BRPF3: variants seen among roughly 807,000 people sequenced by gnomAD.
BRPF3 encodes the protein bromodomain and PHD finger-containing protein 3.
BRPF3 carries 18 observed loss-of-function variants against 102.0 expected under a neutral mutation model. The ratio of observed to expected loss-of-function variants is 0.18; its 90% CI spans 0.12 to 0.26. The LOEUF (loss-of-function observed/expected upper bound fraction) is 0.26. Ranked by LOEUF, BRPF3 falls within the 10% of genes least tolerant of loss-of-function variation. The pLI is 1.00. For synonymous variants in BRPF3, 570 were observed against 614.2 expected (o/e 0.93, Z 1.06); for missense variants, 1,147 against 1,567.8 (o/e 0.73, Z 4.53).
At position 36,230,281 on chromosome 6, in the gene BRPF3, C is replaced by T; in HGVS notation, c.3435-145C>T. 1 of 681,756 alleles carries T rather than the reference C, an allele frequency of 1.5e-6. No homozygotes were observed. Among genetic ancestry groups the T allele is most frequent in the Non-Finnish European group, 2.5e-6 (1 of 396,012 alleles). 42.2% of individuals were successfully genotyped at this position (681,756 alleles called of 1,614,324 possible). On this transcript the variant is annotated intron_variant, in intron 12 of 12. Transcript: ENST00000357641. This position sits in a 1 kb window ranked among gnomAD's most constrained non-coding sequence, Gnocchi z 5.4. ...CCTCACCTGCTAGGTTCTTGGTGGC[C>T]TCCTGCATGGAGTCCCCCAATTTGC...
At position 36,232,479 on chromosome 6, in the gene BRPF3, T is replaced by C. The variant is rs1207385792; in HGVS notation, c.*1870T>C. 6.5e-6 allele frequency: 1 copy of C among 152,692 alleles called. No individual in the cohort carries two copies. Among genetic ancestry groups the C allele is most frequent in the Non-Finnish European group, 1.5e-5 (1 of 68,038 alleles). 9.5% of individuals were successfully genotyped at this position (152,692 alleles called of 1,614,324 possible). A position where few individuals can be genotyped will look rare whatever the true frequency, so the allele number is the denominator to read the frequency against. On this transcript the variant is annotated 3_prime_UTR_variant, in exon 13 of 13. Coordinates refer to ENST00000357641, the MANE Select transcript of BRPF3 (RefSeq NM_015695.3). ...GTCTCTCTCTTTATTTTTCAATCTC[T>C]GAATATTTTAGTCTCTCTCTGAGTC...
In BRPF3 at chr6:36,230,052, A is replaced by G. The variant is rs766292238; in HGVS notation, c.3435-374A>G. On this transcript the variant is annotated intron_variant, in intron 12 of 12. Transcript: ENST00000357641. The surrounding 1 kb of genome is among the most constrained non-coding windows in gnomAD (Gnocchi z 5.4). ...CTGGCATCAGCTCTACTTCCTAGCCATCGCCCCCTAATTCTCCAACGCAAG... is the reference window on the plus strand; with the variant it reads ...CTGGCATCAGCTCTACTTCCTAGCCGTCGCCCCCTAATTCTCCAACGCAAG... Among the ~76,000 whole-genome samples the G allele has an allele frequency of 6.6e-6, 1 of 152,198 alleles. No individual in the cohort carries two copies. The highest frequency in any genetic ancestry group is 2.4e-5 in the African/African-American group (1 of 41,460).
intron 4 of BRPF3, 75 bp from the exon 5 acceptor site, chr6:36,209,712 A>G: frequency 1.3e-6 from 2 of 1,543,998 alleles, no homozygotes; most frequent in Admixed American, 4.0e-5. Context: ...GGTAAAAGTC[A>G]AACTATCAAG....
At position 36,230,136 on chromosome 6, in the gene BRPF3, TTTC is replaced by T. The variant is rs1415317207; in HGVS notation, c.3435-287_3435-285del. On this transcript the variant is annotated intron_variant, in intron 12 of 12. Coordinates refer to ENST00000357641, the MANE Select transcript of BRPF3 (RefSeq NM_015695.3). The surrounding 1 kb of genome is among the most constrained non-coding windows in gnomAD (Gnocchi z 5.4). The stretch of plus-strand genomic sequence containing the variant: ...GGCCCCAGAGGGCAGCAGGTGGGCC[TTTC>T]TTAGCCTATGGACCCTTACAACTCT... 6.6e-6 allele frequency among the ~76,000 whole-genome samples: 1 copy of T among 152,154 alleles called. No homozygotes were observed. Among genetic ancestry groups the T allele is most frequent in the Non-Finnish European group, 1.5e-5 (1 of 68,012 alleles).
At chr6:36,221,157 C>T (rs1324993470) in intron 9 of BRPF3, among the ~76,000 whole-genome samples, 1 of 151,974 alleles carries the variant, frequency 6.6e-6, no homozygotes, top group African/African-American at 2.4e-5. Context: ...TGATGATGCC[C>T]GGGTGGGCTT....
chr6:36,224,153 G>A (rs1349807011), intron 10 of BRPF3, among the ~76,000 whole-genome samples: 1 of 152,162 alleles, frequency 6.6e-6, no homozygotes, highest in African/African-American at 2.4e-5. Context: ...CTTGAAGCCA[G>A]GAGTTTGAGA....
At chr6:36,207,254 C>A in intron 3 of BRPF3, 59 bp from the exon 4 acceptor site, 1 of 1,587,450 alleles carries the variant, frequency 6.3e-7, no homozygotes, top group Non-Finnish European at 8.6e-7. Context: ...GAGGCTTGAA[C>A]AGGGAGAGGA....
At chr6:36,207,121 G>A (rs1370669105) in intron 3 of BRPF3, among the ~76,000 whole-genome samples, 192 bp from the exon 4 acceptor site, 1 of 152,142 alleles carries the variant, frequency 6.6e-6, no homozygotes, top group East Asian at 1.9e-4. Context: ...GCTTTATAAT[G>A]AAGAAACAGT....
chr6:36,217,985 G>A lies in BRPF3; in HGVS notation c.3058G>A (p.Gly1020Ser). 6.2e-7 allele frequency: 1 copy of A among 1,613,142 alleles called. No homozygotes were observed. The highest frequency in any genetic ancestry group is 8.5e-7 in the Non-Finnish European group (1 of 1,179,542). Residue 1020 changes from glycine (G) to serine (S), a missense_variant, in exon 9 of 13, where the codon GGT (glycine) becomes AGT (serine). Physicochemically the swap from Gly to Ser is moderately conservative, Grantham distance 56. Transcript: ENST00000357641. ...CTCTGAATGTAGTTTGGGTCTCAGT[G>A]GTGGACTGGCATTTGAAGCTTGCAG... is the stretch of plus-strand genomic sequence containing the variant. ...SDSECSLGLS[G>S]GLAFEACSGL...
Position 36,200,603 on chromosome 6 carries a change from C to T in BRPF3, c.281C>T (p.Ser94Leu), listed in dbSNP as rs373077870. The T allele has an allele frequency of 1.2e-6, 2 of 1,614,112 alleles. No homozygotes were observed. Among genetic ancestry groups the T allele is most frequent in the Non-Finnish European group, 1.7e-6 (2 of 1,180,046 alleles). The part of the protein sequence containing the change: ...PQFPGKSKKP[S>L]SKGKKKESCS... ...TTCCCTGGCAAGTCCAAGAAACCCT[C>T]ATCCAAGGGCAAAAAGAAGGAATCC... Residue 94 changes from serine (S) to leucine (L), a missense_variant, in exon 2 of 13, where the codon TCA becomes TTA. Ser to Leu is a moderately radical substitution (Grantham distance 145). Around this residue, in one of 11 missense-constraint regions of BRPF3, gnomAD observed 221 missense variants for 337.1 expected, o/e 0.66. Coordinates refer to ENST00000357641, the MANE Select transcript of BRPF3 (RefSeq NM_015695.3). This position sits in a 1 kb window ranked among gnomAD's most constrained non-coding sequence, Gnocchi z 5.3.
In BRPF3 at chr6:36,201,388, G is replaced by T; in HGVS notation, c.1066G>T (p.Ala356Ser). The change falls in exon 2 of 13, where the codon GCT becomes TCT. Residue 356 changes from alanine (A) to serine (S), a missense_variant. By Grantham distance (99) the Ala-to-Ser change is moderately conservative. Around this residue, in one of 11 missense-constraint regions of BRPF3, gnomAD observed 44 missense variants for 101.4 expected, o/e 0.43. Transcript: ENST00000357641. The surrounding 1 kb of genome is among the most constrained non-coding windows in gnomAD (Gnocchi z 5.1). ...ATTCCATGTGACATGTGCACAGCGG[G>T]CTGGGCTCTTCATGAAGATTGAGCC... ...TAFHVTCAQRAGLFMKIEPMR... is the reference protein window; with the variant it reads ...TAFHVTCAQRSGLFMKIEPMR... The T allele has an allele frequency of 6.2e-7, 1 of 1,614,144 alleles. No homozygotes were observed. Among genetic ancestry groups the T allele is most frequent in the Non-Finnish European group, 8.5e-7 (1 of 1,180,018 alleles).
In BRPF3 at chr6:36,207,306, C is replaced by T. The variant is rs760689413; in HGVS notation, c.1606-7C>T. The T allele has an allele frequency of 6.2e-7, 1 of 1,613,158 alleles. No individual in the cohort carries two copies. Among genetic ancestry groups the T allele is most frequent in the Non-Finnish European group, 8.5e-7 (1 of 1,179,588 alleles). The stretch of plus-strand genomic sequence containing the variant: ...GTTCCTAGTCCCTCTTCTCTTCCCT[C>T]CTGTAGCGAGAGCAGGATGAGAAGA... On this transcript the variant is annotated splice_region_variant and splice_polypyrimidine_tract_variant and intron_variant, in intron 3 of 12. Transcript: ENST00000357641.
chr6:36,229,596 G>C (rs7754042), intron 12 of BRPF3, among the ~76,000 whole-genome samples: 14 of 152,232 alleles, frequency 9.2e-5, no homozygotes, highest in African/African-American at 3.4e-4. Context: ...TCCTGAGGGG[G>C]GTTCTGGCCA....
At chr6:36,221,537 A>T (rs1296979118) in intron 9 of BRPF3, among the ~76,000 whole-genome samples, 1 of 152,138 alleles carries the variant, frequency 6.6e-6, no homozygotes, top group African/African-American at 2.4e-5. Flanking sequence ...TGCCCAGCTC[A>T]GCCTCCCAAA....
rs1261406499 is a variant in BRPF3 at position 36,200,721 on chromosome 6, G to A, written c.399G>A (p.Leu133=). 6 of 1,614,040 alleles carry A rather than the reference G, an allele frequency of 3.7e-6. No homozygotes were observed. Among genetic ancestry groups the A allele is most frequent in the African/African-American group, 1.3e-5 (1 of 74,926 alleles). The change falls in exon 2 of 13, where the codon CTG becomes CTA. Residue 133 remains leucine (L), a synonymous_variant. Coordinates refer to ENST00000357641, the MANE Select transcript of BRPF3 (RefSeq NM_015695.3). The surrounding 1 kb of genome is among the most constrained non-coding windows in gnomAD (Gnocchi z 5.3). ...DSGIQPEAPP[L]PAAYYRYIEK... ...GCATCCAGCCAGAAGCACCCCCGCT[G>A]CCTGCTGCCTACTACCGCTACATTG... is the stretch of plus-strand genomic sequence containing the variant.
Position 36,201,116 on chromosome 6 carries a change from G to T in BRPF3, c.794G>T (p.Arg265Leu), listed in dbSNP as rs768026645. The change falls in exon 2 of 13, where the codon CGG becomes CTG. Residue 265 changes from arginine to leucine, a missense_variant. By Grantham distance (102) the Arg-to-Leu change is moderately radical. Around this residue, in one of 11 missense-constraint regions of BRPF3, gnomAD observed 221 missense variants for 337.1 expected, o/e 0.66. Transcript: ENST00000357641. The surrounding 1 kb of genome is among the most constrained non-coding windows in gnomAD (Gnocchi z 5.1). ...LCRCCLQSPS[R>L]PVDCILCPNK... is the part of the protein sequence containing the mutation. ...CGCTGCTGCCTGCAGTCTCCCTCCCGGCCTGTGGATTGCATCCTTTGCCCC... is the reference window on the plus strand; with the variant it reads ...CGCTGCTGCCTGCAGTCTCCCTCCCTGCCTGTGGATTGCATCCTTTGCCCC... The T allele has an allele frequency of 6.2e-7, 1 of 1,613,958 alleles. No individual in the cohort carries two copies. The highest frequency in any genetic ancestry group is 1.3e-5 in the African/African-American group (1 of 74,878).
In BRPF3 at chr6:36,210,429, C is replaced by T. The variant is rs1029434644; in HGVS notation, c.2080C>T (p.Arg694Trp). 9 of 1,613,028 alleles carry T rather than the reference C, an allele frequency of 5.6e-6. No homozygotes were observed. Among genetic ancestry groups the T allele is most frequent in the Non-Finnish European group, 6.8e-6 (8 of 1,180,044 alleles). Residue 694 changes from arginine to tryptophan, a missense_variant, in exon 6 of 13, where the codon CGG becomes TGG. This residue lies in a region of BRPF3 where 109 missense variants were observed against 175.1 expected (regional missense o/e 0.62). Coordinates refer to ENST00000357641, the MANE Select transcript of BRPF3 (RefSeq NM_015695.3). This position sits in a 1 kb window ranked among gnomAD's most constrained non-coding sequence, Gnocchi z 4.7. ...GGGAGGGGCCATCCTACGGCACGCC[C>T]GGCGGCAGGCAGAGAACATCGGCTA... Reference protein sequence around the residue: ...DLGGAILRHARRQAENIGYDP... With the variant: ...DLGGAILRHAWRQAENIGYDP...
intron 11 of BRPF3, among the ~76,000 whole-genome samples, chr6:36,227,025 T>C (rs1053996206): frequency 3.3e-5 from 5 of 152,232 alleles, no homozygotes; most frequent in African/African-American, 1.2e-4. Context: ...CTCGTCTTTT[T>C]TTTAATTACC....
rs1420513826 is a variant in BRPF3 at position 36,210,550 on chromosome 6, G to T, written c.2179+22G>T. ...GACGGTGAGAGGCCTGGATGGGTGG[G>T]GAGGAGAGGGGCCAGGAGGAGGCAC... is the stretch of plus-strand genomic sequence containing the variant. On this transcript the variant is annotated intron_variant, in intron 6 of 12. Coordinates refer to ENST00000357641, the MANE Select transcript of BRPF3 (RefSeq NM_015695.3). The surrounding 1 kb of genome is among the most constrained non-coding windows in gnomAD (Gnocchi z 4.7). 1 of 1,560,514 alleles carries T rather than the reference G, an allele frequency of 6.4e-7. No individual in the cohort carries two copies. The highest frequency in any genetic ancestry group is 1.2e-5 in the South Asian group (1 of 84,228).
Sources: gnomAD v4.1 joint callset for allele counts (sites outside exome capture counted in the v4.1 genomes callset) on GRCh38, gnomAD v4.1.1 for gene constraint, gnomAD v4.1.1 regional missense constraint, Gnocchi (gnomAD v3.1) non-coding constraint, MANE v1.5 for transcripts, NCBI Gene and HGNC (gene_info 2026-07-23, HGNC 2026-07-21) for gene names.